Variants in SLC13A1 observed in about 807,000 individuals in gnomAD.
SLC13A1 encodes the protein solute carrier family 13 member 1.
Under a neutral mutation model 70.0 loss-of-function variants are expected in SLC13A1, and 65 were observed. The observed-to-expected ratio is 0.93, with a 90% CI of 0.76 to 1.14. SLC13A1 has a LOEUF of 1.14. Ranked by LOEUF, SLC13A1 falls within the 50% of genes most tolerant of loss-of-function variation. SLC13A1 has a pLI of 0.00. For synonymous variants in SLC13A1, 275 were observed against 250.5 expected, an observed-to-expected ratio of 1.10 and a Z score of -0.92; for missense variants, 726 against 717.8, an observed-to-expected ratio of 1.01 and a Z score of -0.13.
At chr7:123,190,347 G>C in intron 1 of SLC13A1, 1 of 332,290 alleles carries the variant, frequency 3.0e-6, no homozygotes, top group East Asian at 7.8e-5. Flanking sequence ...CTTGGCCTGG[G>C]GATTTCCAGG....
intron 2 of SLC13A1, 71 bp from the exon 3 acceptor site, chr7:123,171,975 A>C: frequency 1.4e-6 from 2 of 1,402,680 alleles, no homozygotes; most frequent in Non-Finnish European, 2.0e-6. Context: ...GAAAGACATT[A>C]TTATGCTGCT....
chr7:123,199,488 C>T (rs1271856755), intron 1 of SLC13A1, among the ~76,000 whole-genome samples: 2 of 152,052 alleles, frequency 1.3e-5, no homozygotes, highest in African/African-American at 2.4e-5. Flanking sequence ...TGCTTTGCTG[C>T]CTATTCTCAG....
intron 1 of SLC13A1, among the ~76,000 whole-genome samples, chr7:123,198,306 T>G (rs112961155): frequency 8.7e-6 from 1 of 114,464 alleles, no homozygotes; most frequent in East Asian, 2.4e-4. Flanking sequence ...GGGGTGGGAG[T>G]GGCAGGGTGG....
chr7:123,171,731 C>A, intron 3 of SLC13A1, 37 bp downstream of exon 3: 2 of 1,608,950 alleles, frequency 1.2e-6, no homozygotes, highest in South Asian at 2.2e-5. Flanking sequence ...ATGGTCTGTT[C>A]AGCAGGTAAA....
chr7:123,178,029 CTCTCTA>C (rs1422909831), intron 2 of SLC13A1, among the ~76,000 whole-genome samples: 1 of 149,770 alleles, frequency 6.7e-6, no homozygotes, highest in Non-Finnish European at 1.5e-5. Flanking sequence ...CTCTCTCTCT[CTCTCTA>C]TATATATATA....
chr7:123,137,721 G>A (rs73217763), intron 7 of SLC13A1, among the ~76,000 whole-genome samples: 6,478 of 152,188 alleles, frequency 0.043, 189 homozygotes, highest in Non-Finnish European at 0.063. Context: ...AAGATCCTGA[G>A]CAGGAACCCA....
chr7:123,177,536 GCCTCATTACATTATGTA>G (rs1331634277), intron 2 of SLC13A1, among the ~76,000 whole-genome samples: 1 of 152,006 alleles, frequency 6.6e-6, no homozygotes, highest in Non-Finnish European at 1.5e-5. Flanking sequence ...CTGGTCCATT[GCCTCATTACATTATGTA>G]CCTGACCTAA....
In SLC13A1 at chr7:123,129,430, A is replaced by G. The variant is rs773415551; in HGVS notation, c.984T>C (p.Ala328=). The stretch of plus-strand genomic sequence containing the variant: ...ATTCTTGCTTAATCACCTCAGCACA[A>G]GCTTTTTGTTGGACTGTTTTGGTTT... ...CGKTKTVQQK[A]CAEVIKQEYQ... Residue 328 remains alanine (A), a synonymous_variant, in exon 9 of 15, where the codon GCT becomes GCC. Coordinates refer to ENST00000194130, the MANE Select transcript of SLC13A1 (RefSeq NM_022444.4). The G allele has an allele frequency of 6.2e-7, 1 of 1,610,100 alleles. No individual in the cohort carries two copies. Among genetic ancestry groups the G allele is most frequent in the Non-Finnish European group, 8.5e-7 (1 of 1,178,828 alleles).
At chr7:123,154,172 G>A (rs1053627820) in intron 6 of SLC13A1, among the ~76,000 whole-genome samples, 1 of 152,072 alleles carries the variant, frequency 6.6e-6, no homozygotes, top group African/African-American at 2.4e-5. Flanking sequence ...AATTTCCCCT[G>A]TACCAACTTG....
At chr7:123,169,424 TG>T in intron 3 of SLC13A1, 89 bp from the exon 4 acceptor site, 1 of 1,232,652 alleles carries the variant, frequency 8.1e-7, no homozygotes. Context: ...AGATGTGTTT[TG>T]TGAGTTGGGA....
intron 1 of SLC13A1, among the ~76,000 whole-genome samples, chr7:123,184,672 A>AGTGTGT (rs149859642): frequency 6.7e-6 from 1 of 150,062 alleles, no homozygotes; most frequent in African/African-American, 2.4e-5. Flanking sequence ...TGCATGTGTG[A>AGTGTGT]GTGTGTGTGT....
At chr7:123,190,814 A>C (rs558638725) in intron 1 of SLC13A1, among the ~76,000 whole-genome samples, 1 of 152,312 alleles carries the variant, frequency 6.6e-6, no homozygotes, top group East Asian at 1.9e-4. Context: ...TGACACATCT[A>C]TTGAGGATTT....
intron 2 of SLC13A1, among the ~76,000 whole-genome samples, chr7:123,175,229 CT>C (rs1238454272): frequency 6.6e-6 from 1 of 152,072 alleles, no homozygotes; most frequent in African/African-American, 2.4e-5. Flanking sequence ...ATTATAGATG[CT>C]TGAATGATAC....
intron 4 of SLC13A1, 134 bp from the exon 5 acceptor site, chr7:123,168,695 C>A: frequency 1.6e-6 from 1 of 630,412 alleles, no homozygotes; most frequent in Non-Finnish European, 2.7e-6. Context: ...ACATAACAGT[C>A]ATCTTATTTT....
intron 2 of SLC13A1, among the ~76,000 whole-genome samples, chr7:123,176,644 T>C (rs1795455050): frequency 6.6e-6 from 1 of 152,166 alleles, no homozygotes; most frequent in South Asian, 2.1e-4. Flanking sequence ...GCTTTGTTAG[T>C]TATTAGGTTG....
chr7:123,156,636 T>C (rs1171866490), intron 6 of SLC13A1, among the ~76,000 whole-genome samples: 1 of 152,182 alleles, frequency 6.6e-6, no homozygotes, highest in Non-Finnish European at 1.5e-5. Context: ...GTTCTAATGG[T>C]TTAAAATGTC....
In SLC13A1 at chr7:123,169,136, A is replaced by T; in HGVS notation, c.553+12T>A. The T allele has an allele frequency of 6.2e-7, 1 of 1,613,258 alleles. No homozygotes were observed. Among genetic ancestry groups the T allele is most frequent in the Non-Finnish European group, 8.5e-7 (1 of 1,179,330 alleles). On this transcript the variant is annotated intron_variant, in intron 4 of 14. Coordinates refer to ENST00000194130, the MANE Select transcript of SLC13A1 (RefSeq NM_022444.4). ...GACTAGACCCCAGATTGGCCATATC[A>T]ACATGTGATACCATCAATTTCTAGT...
At chr7:123,144,172 G>A (rs1386519940) in intron 7 of SLC13A1, among the ~76,000 whole-genome samples, 1 of 152,134 alleles carries the variant, frequency 6.6e-6, no homozygotes. Flanking sequence ...ATGTCCCTCA[G>A]TTTTTGAAGT....
At chr7:123,195,181 T>A (rs1387308973) in intron 1 of SLC13A1, among the ~76,000 whole-genome samples, 1 of 152,122 alleles carries the variant, frequency 6.6e-6, no homozygotes, top group Non-Finnish European at 1.5e-5. Context: ...AAAATTGGAT[T>A]TTCTGGTTTT....
Sources: gnomAD v4.1 joint callset for allele counts (sites outside exome capture counted in the v4.1 genomes callset) on GRCh38, gnomAD v4.1.1 for gene constraint, MANE v1.5 for transcripts, NCBI Gene and HGNC (gene_info 2026-07-23, HGNC 2026-07-21) for gene names.